The following TNFRSF10B variants were observed in gnomAD, a reference collection of about 807,000 sequenced individuals.
TNFRSF10B encodes TNF receptor superfamily member 10b.
Under a neutral mutation model 41.4 loss-of-function variants are expected in TNFRSF10B, and 35 were observed. The ratio of observed to expected loss-of-function variants is 0.85; its 90% CI spans 0.65 to 1.12. TNFRSF10B has a LOEUF of 1.12. Ranked by LOEUF, TNFRSF10B falls within the 50% of genes most tolerant of loss-of-function variation. The probability of loss-of-function intolerance (pLI) is 0.00; values close to 1 mark genes in which losing one functional copy is unlikely to be tolerated. For synonymous variants in TNFRSF10B, 230 were observed against 215.5 expected (o/e 1.07, Z -0.59); for missense variants, 584 against 552.7 (o/e 1.06, Z -0.57).
rs1563310598 is a variant in TNFRSF10B, at chr8:23,033,620, A to AAAAAAAAAG, written c.251-2749_251-2748insCTTTTTTTT. Among the ~76,000 whole-genome samples, 16 of 107,752 alleles carry AAAAAAAAAG rather than the reference A, an allele frequency of 1.5e-4. 1 individual carries two copies. The highest frequency in any genetic ancestry group is 5.0e-4 in the African/African-American group (16 of 31,796). 70.7% of individuals were successfully genotyped at this position (107,752 alleles called of 152,430 possible). A position where few individuals can be genotyped will look rare whatever the true frequency, so the allele number is the denominator to read the frequency against. On this transcript the variant is annotated intron_variant, in intron 2 of 8. Coordinates refer to ENST00000276431, the MANE Select transcript of TNFRSF10B (RefSeq NM_003842.5). Reference sequence around the variant, plus strand: ...AAAAAAAAAAAAAAAAAAAAAAAAAAAGAACCCTGGAAAAGGTAACTATTT... The same window carrying AAAAAAAAAG: ...AAAAAAAAAAAAAAAAAAAAAAAAAAAAAAAAAAGAGAACCCTGGAAAAGGTAACTATTT...
At chr8:23,029,519 G>T in intron 4 of TNFRSF10B, 91 bp downstream of exon 4, 1 of 1,271,416 alleles carries the variant, frequency 7.9e-7, no homozygotes. Context: ...TGCCCCTTGC[G>T]GGTGCTGTCA....
At chr8:23,049,999 GA>G (rs1554510342) in intron 1 of TNFRSF10B, 1 of 152,274 alleles carries the variant, frequency 6.6e-6, no homozygotes, top group Non-Finnish European at 1.5e-5. Context: ...TTCCCCAGGG[GA>G]CCCTCCAGAG....
intron 2 of TNFRSF10B, among the ~76,000 whole-genome samples, chr8:23,035,279 TTA>T (rs1468288727): frequency 6.6e-6 from 1 of 152,104 alleles, no homozygotes; most frequent in East Asian, 1.9e-4. Flanking sequence ...GTAGCTGGGA[TTA>T]CCCATGTGTG....
chr8:23,059,780 G>C (rs569315858), intron 1 of TNFRSF10B, among the ~76,000 whole-genome samples: 17 of 152,270 alleles, frequency 1.1e-4, no homozygotes, highest in Non-Finnish European at 2.2e-4. Flanking sequence ...CCAAAGTGTG[G>C]GGATTACAGG....
intron 2 of TNFRSF10B, among the ~76,000 whole-genome samples, chr8:23,032,384 G>A (rs2128812784): frequency 6.6e-6 from 1 of 152,328 alleles, no homozygotes; most frequent in African/African-American, 2.4e-5. Context: ...AATCTCTATA[G>A]AGTCAAAGAA....
At chr8:23,029,487 G>A (rs1811813197) in intron 4 of TNFRSF10B, 123 bp downstream of exon 4, 2 of 920,994 alleles carry the variant, frequency 2.2e-6, no homozygotes, top group Non-Finnish European at 3.4e-6. Context: ...GGGACCAGGA[G>A]GGGCAGCCAC....
At chr8:23,047,736 A>G (rs1563318237) in intron 1 of TNFRSF10B, among the ~76,000 whole-genome samples, 1 of 152,152 alleles carries the variant, frequency 6.6e-6, no homozygotes, top group Non-Finnish European at 1.5e-5. Flanking sequence ...AGAAAAGGGA[A>G]CCCTTGCTTA....
intron 2 of TNFRSF10B, among the ~76,000 whole-genome samples, chr8:23,032,453 A>G (rs1316457159): frequency 6.6e-6 from 1 of 152,196 alleles, no homozygotes; most frequent in Non-Finnish European, 1.5e-5. Flanking sequence ...TCAAAATTGG[A>G]AAGTGTGAGT....
intron 2 of TNFRSF10B, among the ~76,000 whole-genome samples, chr8:23,041,603 T>C (rs1036659582): frequency 8.2e-6 from 1 of 121,240 alleles, no homozygotes; most frequent in Non-Finnish European, 1.8e-5. Flanking sequence ...CTCAATGATT[T>C]AAAAAAAAAA....
intron 1 of TNFRSF10B, 54 bp downstream of exon 1, chr8:23,068,697 T>C (rs1025730992): frequency 1.3e-6 from 2 of 1,541,910 alleles, no homozygotes; most frequent in African/African-American, 2.7e-5. Flanking sequence ...CTCCCTGCCC[T>C]CTCCAGGCGC....
chr8:23,025,051 G>T (rs944248643), intron 7 of TNFRSF10B, among the ~76,000 whole-genome samples: 1 of 152,168 alleles, frequency 6.6e-6, no homozygotes, highest in Admixed American at 6.5e-5. Context: ...CTCAGAAGCC[G>T]GTAAGTCCGA....
intron 2 of TNFRSF10B, among the ~76,000 whole-genome samples, chr8:23,037,118 A>G (rs1251805502): frequency 6.6e-6 from 1 of 152,300 alleles, no homozygotes; most frequent in East Asian, 1.9e-4. Context: ...TGATCTTAGC[A>G]GGGAAGGATT....
chr8:23,044,434 T>C (rs1031587964), intron 1 of TNFRSF10B, among the ~76,000 whole-genome samples: 1 of 152,144 alleles, frequency 6.6e-6, no homozygotes, highest in African/African-American at 2.4e-5. Flanking sequence ...AAAAGGTTAA[T>C]ATCTAAAATA....
chr8:23,037,610 C>T (rs571755466), intron 2 of TNFRSF10B, among the ~76,000 whole-genome samples: 115 of 152,294 alleles, frequency 7.6e-4, no homozygotes, highest in African/African-American at 2.3e-3. Context: ...GCAAATGAAG[C>T]GCCCACTATA....
chr8:23,041,070 T>G (rs1000434269), intron 2 of TNFRSF10B, among the ~76,000 whole-genome samples: 7 of 151,506 alleles, frequency 4.6e-5, no homozygotes, highest in Non-Finnish European at 8.8e-5. Context: ...TGTTGTTTTT[T>G]TTTTTTGAGA....
intron 2 of TNFRSF10B, among the ~76,000 whole-genome samples, chr8:23,033,380 C>T (rs1012746761): frequency 1.3e-5 from 2 of 151,838 alleles, no homozygotes; most frequent in East Asian, 1.9e-4. Flanking sequence ...GTCAGGAGAT[C>T]GAGACCATCC....
chr8:23,058,457 T>C (rs1812732448), intron 1 of TNFRSF10B, among the ~76,000 whole-genome samples: 1 of 151,900 alleles, frequency 6.6e-6, no homozygotes, highest in African/African-American at 2.4e-5. Flanking sequence ...GTTAATTGAG[T>C]ATGTTTTAGA....
chr8:23,055,990 C>T (rs1001133465), intron 1 of TNFRSF10B, among the ~76,000 whole-genome samples: 2 of 152,206 alleles, frequency 1.3e-5, no homozygotes, highest in Non-Finnish European at 1.5e-5. Flanking sequence ...GGCCTTCTCC[C>T]TGTAACCAGC....
chr8:23,067,425 C>A (rs982933379), intron 1 of TNFRSF10B, among the ~76,000 whole-genome samples: 1 of 149,824 alleles, frequency 6.7e-6, no homozygotes, highest in African/African-American at 2.5e-5. Context: ...GCCAAAAATC[C>A]AAAAAATTCT....
Sources: allele counts gnomAD v4.1 joint callset (sites outside exome capture counted in the v4.1 genomes callset), GRCh38; gene constraint gnomAD v4.1.1; transcripts MANE v1.5; gene names NCBI Gene and HGNC (gene_info 2026-07-23, HGNC 2026-07-21).